The following PLB1 variants were observed in gnomAD, a reference collection of about 807,000 sequenced individuals.
The protein encoded by PLB1 is phospholipase B1.
Under a neutral mutation model 227.4 loss-of-function variants are expected in PLB1, and 242 were observed. That is an observed-to-expected ratio of 1.06 (90% CI 0.96 to 1.18). The LOEUF is 1.18. Among genes scored for constraint, PLB1 ranks in the 50% most tolerant of loss-of-function variants. The pLI, the probability that PLB1 is intolerant of heterozygous loss-of-function variation, is 0.00. For missense variants in PLB1, 1,858 were observed against 1,816.3 expected, an observed-to-expected ratio of 1.02 and a Z score of -0.42; for synonymous variants, 757 against 682.2, an observed-to-expected ratio of 1.11 and a Z score of -1.71.
intron 17 of PLB1, among the ~76,000 whole-genome samples, chr2:28,557,023 G>A (rs936213794): frequency 6.6e-6 from 1 of 151,984 alleles, no homozygotes; most frequent in Non-Finnish European, 1.5e-5. Context: ...AGGTCATGAG[G>A]CCGTCTCTGT....
rs533156342 is a variant in PLB1, at chr2:28,535,921, A to AAAAAC, written c.556-2379_556-2375dup. Among the ~76,000 whole-genome samples, 217 of 152,250 alleles carry AAAAAC rather than the reference A, an allele frequency of 1.4e-3. 1 individual carries two copies. The highest frequency in any genetic ancestry group is 3.4e-3 in the Middle Eastern group (1 of 294). The stretch of plus-strand genomic sequence containing the variant: ...AGCAACAGAGTGAGACTCTGTCTTT[A>AAAAAC]AAAACAAAACAAAACAAAACAAATG... On this transcript the variant is annotated intron_variant, in intron 9 of 57. Coordinates refer to ENST00000327757, the MANE Select transcript of PLB1 (RefSeq NM_153021.5).
intron 56 of PLB1, 96 bp from the exon 57 acceptor site, chr2:28,640,829 CGT>C: frequency 7.9e-7 from 1 of 1,273,696 alleles, no homozygotes; most frequent in Non-Finnish European, 1.1e-6. Flanking sequence ...TCCCCCACCC[CGT>C]TCCCGAGGGA....
rs1459210416 is a variant in PLB1, at chr2:28,563,029, T to G, written c.1148-12T>G. The stretch of plus-strand genomic sequence containing the variant: ...AGCCCCATTTTCCACTCACTCCTGC[T>G]TATATTCTTAGTTCATAGGCTGAAG... On this transcript the variant is annotated splice_polypyrimidine_tract_variant and intron_variant, in intron 17 of 57. Coordinates refer to ENST00000327757, the MANE Select transcript of PLB1 (RefSeq NM_153021.5). 1 of 1,611,966 alleles carries G rather than the reference T, an allele frequency of 6.2e-7. No individual in the cohort carries two copies. The highest frequency in any genetic ancestry group is 8.5e-7 in the Non-Finnish European group (1 of 1,178,132).
intron 57 of PLB1, 86 bp downstream of exon 57, chr2:28,641,087 G>C: frequency 7.8e-7 from 1 of 1,282,102 alleles, no homozygotes; most frequent in South Asian, 1.4e-5. Flanking sequence ...AGGAGTCCCC[G>C]GGGATGCTCC....
chr2:28,549,058 G>A (rs1010707179), intron 15 of PLB1, 127 bp downstream of exon 15: 1 of 815,868 alleles, frequency 1.2e-6, no homozygotes, highest in Non-Finnish European at 2.0e-6. Flanking sequence ...TTCTGGGCCT[G>A]CACACAGTTT....
intron 56 of PLB1, among the ~76,000 whole-genome samples, chr2:28,636,031 G>GAA (rs1288620608): frequency 1.6e-5 from 2 of 124,976 alleles, no homozygotes; most frequent in Admixed American, 8.1e-5. Context: ...GTGTGTGTAT[G>GAA]TGTGTGTGTG....
At chr2:28,553,113 T>C (rs1674508668) in intron 17 of PLB1, 122 bp downstream of exon 17, 1 of 780,920 alleles carries the variant, frequency 1.3e-6, no homozygotes, top group South Asian at 1.5e-5. Context: ...GAAATAACTC[T>C]GTATGTATAT....
chr2:28,557,549 C>T (rs1293026948), intron 17 of PLB1, among the ~76,000 whole-genome samples: 1 of 152,200 alleles, frequency 6.6e-6, no homozygotes, highest in Non-Finnish European at 1.5e-5. Flanking sequence ...CTGGGTATAA[C>T]CTTCCATGTA....
intron 17 of PLB1, among the ~76,000 whole-genome samples, chr2:28,560,560 C>T (rs1490122596): frequency 6.6e-6 from 1 of 152,084 alleles, no homozygotes; most frequent in Non-Finnish European, 1.5e-5. Flanking sequence ...GTGGGAGGAT[C>T]GCTTGAGCCC....
rs758964422 is a variant in PLB1 at position 28,641,043 on chromosome 2, G to A, written c.4173+42G>A. 3 of 1,585,716 alleles carry A rather than the reference G, an allele frequency of 1.9e-6. No individual in the cohort carries two copies. The South Asian group carries it at 3.4e-5, about 18-fold the overall frequency. Reference sequence around the variant, plus strand: ...CCTGCCCCAGGTGGAACAGATGCCTGGGGTGGGGGTTGTCCTGTCCCCTGG... The same window carrying A: ...CCTGCCCCAGGTGGAACAGATGCCTAGGGTGGGGGTTGTCCTGTCCCCTGG... On this transcript the variant is annotated intron_variant, in intron 57 of 57. Transcript: ENST00000327757.
At chr2:28,630,332 C>T (rs1688427295) in intron 53 of PLB1, among the ~76,000 whole-genome samples, 1 of 152,182 alleles carries the variant, frequency 6.6e-6, no homozygotes, top group African/African-American at 2.4e-5. Flanking sequence ...CAGGCAACAG[C>T]TTTCCCTCTT....
At chr2:28,553,589 A>G (rs969221054) in intron 17 of PLB1, among the ~76,000 whole-genome samples, 4 of 152,294 alleles carry the variant, frequency 2.6e-5, no homozygotes, top group South Asian at 2.1e-4. Flanking sequence ...TGTGATAGCT[A>G]TGGGCATGTA....
At chr2:28,599,051 A>G (rs1207609085) in intron 35 of PLB1, among the ~76,000 whole-genome samples, 2 of 152,210 alleles carry the variant, frequency 1.3e-5, no homozygotes, top group Non-Finnish European at 2.9e-5. Context: ...TTTACAACTC[A>G]CCAAGGCACA....
chr2:28,623,619 G>A (rs569624619), intron 49 of PLB1, among the ~76,000 whole-genome samples: 126 of 152,184 alleles, frequency 8.3e-4, no homozygotes, highest in Non-Finnish European at 1.4e-3. Flanking sequence ...GTTTGGCCAC[G>A]TACCTAGCTT....
In PLB1 at chr2:28,620,945, G is replaced by A; in HGVS notation, c.3494G>A (p.Gly1165Glu). The change falls in exon 49 of 58, where the codon GGA becomes GAA. Residue 1165 changes from glycine (G) to glutamate (E), a missense_variant. By Grantham distance (98) the Gly-to-Glu change is moderately conservative. Coordinates refer to ENST00000327757, the MANE Select transcript of PLB1 (RefSeq NM_153021.5). ...FSTSTWEGTA[G>E]LNVAAEGARA... ...ACCAGCACCTGGGAGGGGACAGCAG[G>A]ACTAAATGTGGCAGCGGAAGGGGCC... is the stretch of plus-strand genomic sequence containing the variant. The A allele has an allele frequency of 6.2e-7, 1 of 1,613,708 alleles. No individual in the cohort carries two copies. The highest frequency in any genetic ancestry group is 8.5e-7 in the Non-Finnish European group (1 of 1,179,766).
chr2:28,602,838 C>T lies in PLB1; in HGVS notation c.2691C>T (p.Val897=), dbSNP rs1418975634. The T allele has an allele frequency of 2.5e-6, 4 of 1,613,994 alleles. No individual in the cohort carries two copies. Among genetic ancestry groups the T allele is most frequent in the Non-Finnish European group, 3.4e-6 (4 of 1,180,000 alleles). The change falls in exon 39 of 58, where the codon GTC becomes GTT. Residue 897 remains valine, a synonymous_variant. Coordinates refer to ENST00000327757, the MANE Select transcript of PLB1 (RefSeq NM_153021.5). ...VLHREVPRVL[V]NLVDFLNPTI... is the part of the protein sequence containing the mutation. Reference sequence around the variant, plus strand: ...TCCCTTAGGTGCCCAGAGTCCTGGTCAACCTCGTGGACTTCCTGAACCCCA... The same window carrying T: ...TCCCTTAGGTGCCCAGAGTCCTGGTTAACCTCGTGGACTTCCTGAACCCCA...
intron 56 of PLB1, among the ~76,000 whole-genome samples, chr2:28,636,395 CA>C (rs1689364490): frequency 6.6e-6 from 1 of 152,132 alleles, no homozygotes; most frequent in African/African-American, 2.4e-5. Context: ...TTAGTGCCTA[CA>C]GCCACTTTGG....
chr2:28,547,202 CAAAAAAAAAAAAAAGA>C (rs375366881), intron 14 of PLB1, among the ~76,000 whole-genome samples: 125 of 99,890 alleles, frequency 1.3e-3, no homozygotes, highest in Middle Eastern at 5.8e-3. Flanking sequence ...ACCCTGTCTC[CAAAAAAAAAAAAAAGA>C]AAAAAAAAAA....
At chr2:28,535,307 A>T (rs1429293414) in intron 9 of PLB1, among the ~76,000 whole-genome samples, 1 of 152,198 alleles carries the variant, frequency 6.6e-6, no homozygotes, top group Non-Finnish European at 1.5e-5. Flanking sequence ...TTCTTCTTCC[A>T]TCTTGATTTT....
Sources: gnomAD v4.1 joint callset for allele counts (sites outside exome capture counted in the v4.1 genomes callset) on GRCh38, gnomAD v4.1.1 for gene constraint, MANE v1.5 for transcripts, NCBI Gene and HGNC (gene_info 2026-07-23, HGNC 2026-07-21) for gene names.